Variants in KRT72 observed in about 807,000 individuals in gnomAD.
KRT72 encodes the protein keratin 72.
In KRT72, 44 loss-of-function variants were observed where a neutral mutation model predicts 44.7. The ratio of observed to expected loss-of-function variants is 0.98; its 90% CI spans 0.77 to 1.27. The LOEUF (loss-of-function observed/expected upper bound fraction) is 1.27, where lower values mean the gene tolerates loss of function less well. Ranked by LOEUF, KRT72 falls within the 50% of genes most tolerant of loss-of-function variation. KRT72 has a pLI of 0.00. For missense variants in KRT72, 736 were observed against 667.1 expected (o/e 1.10, Z -1.14); for synonymous variants, 302 against 280.4 (o/e 1.08, Z -0.77).
At chr12:52,590,777 G>T (rs1020102989) in intron 6 of KRT72, 59 bp downstream of exon 6, 2 of 1,493,184 alleles carry the variant, frequency 1.3e-6, no homozygotes, top group Admixed American at 1.9e-5. Context: ...TTCATATTCT[G>T]TCTGGCCCAG....
chr12:52,591,642 G>C lies in KRT72; in HGVS notation c.799-14C>G, dbSNP rs200651000. ...CTGAGTGATCTCCTGGGGACGGTTGGGGGAGGGGAGCTAGTTAAGGGGTAC... is the reference window on the plus strand; with the variant it reads ...CTGAGTGATCTCCTGGGGACGGTTGCGGGAGGGGAGCTAGTTAAGGGGTAC... On this transcript the variant is annotated splice_polypyrimidine_tract_variant and intron_variant, in intron 4 of 8. Coordinates refer to ENST00000293745, the MANE Select transcript of KRT72 (RefSeq NM_080747.3). 7.9e-5 allele frequency: 126 copies of C among 1,597,770 alleles called. No homozygotes were observed. The highest frequency in any genetic ancestry group is 2.1e-5 in the Non-Finnish European group (24 of 1,167,700).
At chr12:52,600,088 C>A (rs921247030) in intron 1 of KRT72, among the ~76,000 whole-genome samples, 1 of 152,168 alleles carries the variant, frequency 6.6e-6, no homozygotes. Flanking sequence ...GCTCCAGAGA[C>A]AACTTCCCTA....
rs1337135667 is a variant in KRT72 at position 52,586,891 on chromosome 12, A to G, written c.1345+55T>C. ...CTCTTTTGTGTCATGAATTAAAGGG[A>G]CTCGGACTTCTGGTAAGGTGACCAA... On this transcript the variant is annotated intron_variant, in intron 8 of 8. Transcript: ENST00000293745. 4 of 1,515,476 alleles carry G rather than the reference A, an allele frequency of 2.6e-6. No homozygotes were observed. The East Asian group carries it at 6.8e-5, about 26-fold the overall frequency. 93.9% of individuals were successfully genotyped at this position (1,515,476 alleles called of 1,614,324 possible).
intron 4 of KRT72, among the ~76,000 whole-genome samples, chr12:52,591,925 C>T (rs1218094302): frequency 6.6e-6 from 1 of 152,178 alleles, no homozygotes; most frequent in African/African-American, 2.4e-5. Context: ...AACTCTTTAC[C>T]TAGCATGTGA....
Position 52,589,599 on chromosome 12 carries a change from T to C in KRT72, c.1089+1237A>G, listed in dbSNP as rs145992775. On this transcript the variant is annotated intron_variant, in intron 6 of 8. Transcript: ENST00000293745. ...AGCATCCTTTGAAACAAATGTCACA[T>C]GAATGCTGAGGACACCAAATGCCAA... is the stretch of plus-strand genomic sequence containing the variant. Among the ~76,000 whole-genome samples, 354 of 152,284 alleles carry C rather than the reference T, an allele frequency of 2.3e-3. 1 individual carries two copies. Among genetic ancestry groups the C allele is most frequent in the African/African-American group, 5.9e-3 (246 of 41,566 alleles).
chr12:52,598,535 A>T (rs921817165), intron 2 of KRT72, among the ~76,000 whole-genome samples: 12 of 152,152 alleles, frequency 7.9e-5, no homozygotes, highest in African/African-American at 2.9e-4. Flanking sequence ...TAAGTTTTTT[A>T]AATTCTTTTT....
At chr12:52,590,113 A>T (rs1201929459) in intron 6 of KRT72, among the ~76,000 whole-genome samples, 1 of 152,016 alleles carries the variant, frequency 6.6e-6, no homozygotes, top group Admixed American at 6.5e-5. Flanking sequence ...GAGAGCCTTA[A>T]ACCCTTGCAC....
chr12:52,587,358 T>TC (rs768035753), intron 7 of KRT72, among the ~76,000 whole-genome samples: 48 of 152,066 alleles, frequency 3.2e-4, no homozygotes, highest in Non-Finnish European at 5.7e-4. Context: ...ATCTTGCTCC[T>TC]CCCCCCACCC....
intron 5 of KRT72, 87 bp downstream of exon 5, chr12:52,591,377 C>A: frequency 1.5e-6 from 2 of 1,354,554 alleles, no homozygotes; most frequent in Non-Finnish European, 2.0e-6. Flanking sequence ...CACACACAAA[C>A]ACACGCACAC....
At chr12:52,595,579 A>G (rs960288854) in intron 2 of KRT72, among the ~76,000 whole-genome samples, 2 of 152,220 alleles carry the variant, frequency 1.3e-5, no homozygotes, top group African/African-American at 4.8e-5. Context: ...TAGAGGGCAG[A>G]TATTTTCTAT....
chr12:52,585,837 T>C lies in KRT72; in HGVS notation c.*145A>G. On this transcript the variant is annotated 3_prime_UTR_variant, in exon 9 of 9. Transcript: ENST00000293745. ...ACTCCTTGCATCGAAGCATCACACCTTGAGGACAACAGGGAGAGGAAATGG... is the reference window on the plus strand; with the variant it reads ...ACTCCTTGCATCGAAGCATCACACCCTGAGGACAACAGGGAGAGGAAATGG... 5.3e-6 allele frequency: 4 copies of C among 755,808 alleles called. 1 individual carries two copies. In the South Asian group the frequency reaches 7.0e-5, roughly 13 times the overall value. The allele number at this position is 755,808 out of a possible 1,614,324, so 46.8% of individuals were successfully genotyped here. A position where few individuals can be genotyped will look rare whatever the true frequency, so the allele number is the denominator to read the frequency against.
At position 52,586,018 on chromosome 12, in the gene KRT72, C is replaced by T. The variant is rs149656096; in HGVS notation, c.1500G>A (p.Ser500=). The change falls in exon 9 of 9, where the codon TCG becomes TCA. Residue 500 remains serine, a synonymous_variant. Coordinates refer to ENST00000293745, the MANE Select transcript of KRT72 (RefSeq NM_080747.3). ...SELKDPLAKT[S]GSSCATKKAS... ...CCTTTTTGGTGGCACAGCTGCTCCC[C>T]GAGGTTTTGGCAAGGGGATCCTTGA... 1.0e-4 allele frequency: 168 copies of T among 1,613,966 alleles called. 1 individual carries two copies. The South Asian group carries it at 1.5e-3, about 14-fold the overall frequency.
In KRT72 at chr12:52,601,162, G is replaced by A. The variant is rs960193408; in HGVS notation, c.291C>T (p.Ile97=). 4 of 1,613,416 alleles carry A rather than the reference G, an allele frequency of 2.5e-6. No individual in the cohort carries two copies. Among genetic ancestry groups the A allele is most frequent in the East Asian group, 4.5e-5 (2 of 44,836 alleles). ...GGCTCTTGTTGACGGTGACCTGAGGGATGCCCCCGGGTGGGCACACGGAGG... is the reference window on the plus strand; with the variant it reads ...GGCTCTTGTTGACGGTGACCTGAGGAATGCCCCCGGGTGGGCACACGGAGG... ...KCPSVCPPGG[I]PQVTVNKSLL... Residue 97 remains isoleucine, a synonymous_variant, in exon 1 of 9, where the codon ATC becomes ATT. Coordinates refer to ENST00000293745, the MANE Select transcript of KRT72 (RefSeq NM_080747.3).
At chr12:52,587,908 T>G in intron 6 of KRT72, 57 bp from the exon 7 acceptor site, 1 of 1,508,720 alleles carries the variant, frequency 6.6e-7, no homozygotes, top group East Asian at 2.3e-5. Context: ...GAGATCTTGC[T>G]TGGACAACCT....
chr12:52,590,963 T>G lies in KRT72; in HGVS notation c.964-2A>C. The G allele has an allele frequency of 6.3e-7, 1 of 1,584,918 alleles. No individual in the cohort carries two copies. The highest frequency in any genetic ancestry group is 8.6e-7 in the Non-Finnish European group (1 of 1,160,072). Reference sequence around the variant, plus strand: ...TGCTGTGACCTGCAGCTCCTGGATCTGAGGTTGGGTGACAAGAGAAGAGGA... The same window carrying G: ...TGCTGTGACCTGCAGCTCCTGGATCGGAGGTTGGGTGACAAGAGAAGAGGA... On this transcript the variant is annotated splice_acceptor_variant, in intron 5 of 8. Coordinates refer to ENST00000293745, the MANE Select transcript of KRT72 (RefSeq NM_080747.3). LOFTEE classifies it high-confidence loss of function.
At chr12:52,602,313 C>T (rs576900667), upstream of KRT72, among the ~76,000 whole-genome samples, 1 of 152,264 alleles carries the variant, frequency 6.6e-6, no homozygotes, top group East Asian at 1.9e-4. Flanking sequence ...TCCAGCAAAC[C>T]TCTGCTCAGG....
At chr12:52,588,532 T>C (rs1053559144) in intron 6 of KRT72, among the ~76,000 whole-genome samples, 3 of 151,902 alleles carry the variant, frequency 2.0e-5, no homozygotes, top group Admixed American at 6.6e-5. Flanking sequence ...TTAGGAAAAA[T>C]AGCTAAAAAA....
At chr12:52,598,145 C>T (rs754733210) in intron 2 of KRT72, among the ~76,000 whole-genome samples, 31 of 152,238 alleles carry the variant, frequency 2.0e-4, no homozygotes, top group Non-Finnish European at 3.7e-4. Flanking sequence ...TCTGTGTGCT[C>T]TCTGAGGTCA....
chr12:52,593,681 T>A (rs1940136143), intron 2 of KRT72, among the ~76,000 whole-genome samples: 1 of 57,518 alleles, frequency 1.7e-5, no homozygotes, highest in African/African-American at 2.1e-4. Flanking sequence ...TCATTCAGAC[T>A]TAGAAAGAAA....
Sources: allele counts gnomAD v4.1 joint callset (sites outside exome capture counted in the v4.1 genomes callset), GRCh38; gene constraint gnomAD v4.1.1; transcripts MANE v1.5; gene names NCBI Gene and HGNC (gene_info 2026-07-23, HGNC 2026-07-21).